The following GCSAML variants were observed in gnomAD, a reference collection of about 807,000 sequenced individuals.
The protein encoded by GCSAML is germinal center associated signaling and motility like, also known as germinal center-associated signaling and motility-like protein.
GCSAML carries 9 observed loss-of-function variants against 13.0 expected under a neutral mutation model. The ratio of observed to expected loss-of-function variants is 0.69; its 90% CI spans 0.42 to 1.21. GCSAML has a LOEUF of 1.21. GCSAML is among the 50% of genes most tolerant of loss of function. The pLI is 0.00. For missense variants in GCSAML, 143 were observed against 153.4 expected, an observed-to-expected ratio of 0.93 and a Z score of 0.36; for synonymous variants, 37 against 52.9, an observed-to-expected ratio of 0.70 and a Z score of 1.31.
intron 1 of GCSAML, among the ~76,000 whole-genome samples, chr1:247,553,727 A>G (rs1293332358): frequency 6.6e-6 from 1 of 152,208 alleles, no homozygotes; most frequent in African/African-American, 2.4e-5. Flanking sequence ...CAGCCTCCCA[A>G]GGAGCTGGGA....
intron 1 of GCSAML, among the ~76,000 whole-genome samples, chr1:247,550,935 G>A (rs1667758485): frequency 6.6e-6 from 1 of 152,224 alleles, no homozygotes; most frequent in Non-Finnish European, 1.5e-5. Flanking sequence ...AGAGAACATC[G>A]TACTTAATCA....
chr1:247,516,248 T>C (rs1010115899), intron 1 of GCSAML, among the ~76,000 whole-genome samples: 3 of 152,230 alleles, frequency 2.0e-5, no homozygotes, highest in Non-Finnish European at 2.9e-5. Flanking sequence ...TTTCTAAATG[T>C]TATAAGACAA....
At chr1:247,519,800 G>A (rs975831816) in intron 1 of GCSAML, among the ~76,000 whole-genome samples, 1 of 152,184 alleles carries the variant, frequency 6.6e-6, no homozygotes, top group Non-Finnish European at 1.5e-5. Flanking sequence ...GTCTGTACTA[G>A]AGGAAAATCT....
rs1248088890 is a variant in GCSAML at position 247,550,960 on chromosome 1, T to TA, written c.29+1747dup. ...GTACTTAATCACTCTGACTCAGCTTTAAAAAAATAGACATTACGTGGCTCA... is the reference window on the plus strand; with the variant it reads ...GTACTTAATCACTCTGACTCAGCTTTAAAAAAAATAGACATTACGTGGCTCA... On this transcript the variant is annotated intron_variant, in intron 1 of 4. Transcript: ENST00000366488. 3.3e-5 allele frequency among the ~76,000 whole-genome samples: 5 copies of TA among 152,192 alleles called. No homozygotes were observed. In the South Asian group the frequency reaches 6.2e-4, roughly 19 times the overall value.
intron 1 of GCSAML, among the ~76,000 whole-genome samples, chr1:247,519,672 G>A (rs1012402872): frequency 2.0e-5 from 3 of 152,228 alleles, no homozygotes; most frequent in Non-Finnish European, 4.4e-5. Flanking sequence ...GACTATGCAT[G>A]GTAGTGAGTC....
At chr1:247,519,821 C>T (rs891005296) in intron 1 of GCSAML, among the ~76,000 whole-genome samples, 1 of 152,128 alleles carries the variant, frequency 6.6e-6, no homozygotes, top group Non-Finnish European at 1.5e-5. Context: ...AGGAATATCA[C>T]TTTAAGGAAA....
chr1:247,516,468 A>G (rs1189455422), intron 1 of GCSAML, among the ~76,000 whole-genome samples: 1 of 152,006 alleles, frequency 6.6e-6, no homozygotes, highest in Non-Finnish European at 1.5e-5. Context: ...TCTCATGATG[A>G]GATCTGCAGA....
At chr1:247,554,892 A>G (rs988893614) in intron 1 of GCSAML, among the ~76,000 whole-genome samples, 2 of 152,310 alleles carry the variant, frequency 1.3e-5, no homozygotes, top group African/African-American at 4.8e-5. Context: ...GGTATAAAAA[A>G]TTATTCATAA....
In GCSAML at chr1:247,531,759, CAG is replaced by C. The variant is rs752454845; in HGVS notation, c.-148+4709_-148+4710del. The C allele has an allele frequency of 2.5e-6, 4 of 1,614,062 alleles. No individual in the cohort carries two copies. In the African/African-American group the frequency reaches 4.0e-5, roughly 16 times the overall value. ...ACATGAAGATGATGCTCCCGTAAAACAGAGACACCACAGCCACGTGGGAAGAA... is the reference window on the plus strand; with the variant it reads ...ACATGAAGATGATGCTCCCGTAAAACAGACACCACAGCCACGTGGGAAGAA... On this transcript the variant is annotated intron_variant, in intron 2 of 5. Coordinates refer to the GCSAML transcript ENST00000366489.
chr1:247,549,238 G>C lies in GCSAML; in HGVS notation c.29+18G>C. On this transcript the variant is annotated intron_variant, in intron 1 of 4. Transcript: ENST00000366488. The stretch of plus-strand genomic sequence containing the variant: ...AAACTCAGGTGAGTCTTGACTCTTG[G>C]TGCCGCCTTTCTTGGGAGAAAGAGA... The C allele has an allele frequency of 1.2e-6, 2 of 1,608,380 alleles. No individual in the cohort carries two copies. Among genetic ancestry groups the C allele is most frequent in the South Asian group, 1.1e-5 (1 of 90,958 alleles).
intron 2 of GCSAML, among the ~76,000 whole-genome samples, chr1:247,541,555 G>C (rs58813496): frequency 0.051 from 7,764 of 152,108 alleles, 634 homozygotes; most frequent in African/African-American, 0.17. Context: ...GAAAATGAAT[G>C]GTGTTTTCAA....
intron 1 of GCSAML, among the ~76,000 whole-genome samples, chr1:247,521,705 G>A (rs1042370967): frequency 5.9e-5 from 9 of 152,326 alleles, no homozygotes; most frequent in Non-Finnish European, 8.8e-5. Context: ...AGGCTGGAGC[G>A]CAGTGGCATG....
intron 1 of GCSAML, chr1:247,525,412 C>CA (rs35464493): frequency 0.73 from 111,396 of 152,166 alleles, 42,557 homozygotes; most frequent in East Asian, 0.97. Context: ...TCTGACCAGT[C>CA]AATCAGCTGT....
At chr1:247,516,666 T>C (rs1666221889) in intron 1 of GCSAML, among the ~76,000 whole-genome samples, 1 of 151,472 alleles carries the variant, frequency 6.6e-6, no homozygotes, top group African/African-American at 2.4e-5. Flanking sequence ...AGATTAGACC[T>C]CAAATGGACA....
chr1:247,549,582 G>A (rs1297217063), intron 1 of GCSAML, among the ~76,000 whole-genome samples: 2 of 152,044 alleles, frequency 1.3e-5, no homozygotes, highest in African/African-American at 4.8e-5. Flanking sequence ...AAATTTAGCA[G>A]TGCATCTTGT....
At chr1:247,571,417 T>C (rs1301642272) in intron 4 of GCSAML, among the ~76,000 whole-genome samples, 2 of 152,202 alleles carry the variant, frequency 1.3e-5, no homozygotes, top group Non-Finnish European at 2.9e-5. Context: ...TCCCTCAGTA[T>C]TTCCTTCTCT....
At position 247,540,964 on chromosome 1, in the gene GCSAML, A is replaced by G. The variant is rs564338048; in HGVS notation, c.-147-8081A>G. ...TTTTATATGTTCTCTATTTCTGTTTAGAAGGCATTGAGTTACTGAGTATTA... is the reference window on the plus strand; with the variant it reads ...TTTTATATGTTCTCTATTTCTGTTTGGAAGGCATTGAGTTACTGAGTATTA... On this transcript the variant is annotated intron_variant, in intron 2 of 5. Coordinates refer to the GCSAML transcript ENST00000366489. Among the ~76,000 whole-genome samples the G allele has an allele frequency of 2.0e-5, 3 of 152,336 alleles. No individual in the cohort carries two copies. The South Asian group carries it at 6.2e-4, about 32-fold the overall frequency.
chr1:247,543,393 A>G (rs1182047243), intron 2 of GCSAML, among the ~76,000 whole-genome samples: 1 of 152,204 alleles, frequency 6.6e-6, no homozygotes, highest in Non-Finnish European at 1.5e-5. Context: ...ATTTTTTATT[A>G]TTAATCTCTT....
intron 1 of GCSAML, among the ~76,000 whole-genome samples, chr1:247,511,199 C>T (rs1261557952): frequency 6.6e-6 from 1 of 152,154 alleles, no homozygotes; most frequent in Admixed American, 6.5e-5. Flanking sequence ...AATCTGGGCG[C>T]TCCTATATTG....
Sources: gnomAD v4.1 joint callset for allele counts (sites outside exome capture counted in the v4.1 genomes callset) on GRCh38, gnomAD v4.1.1 for gene constraint, MANE v1.5 for transcripts, NCBI Gene and HGNC (gene_info 2026-07-23, HGNC 2026-07-21) for gene names.